Variants in LMX1A observed in about 807,000 individuals in gnomAD.
LMX1A encodes the protein LIM homeobox transcription factor 1-alpha.
LMX1A carries 15 observed loss-of-function variants against 49.1 expected under a neutral mutation model. The ratio of observed to expected loss-of-function variants is 0.31; its 90% CI spans 0.20 to 0.47. The LOEUF (loss-of-function observed/expected upper bound fraction) is 0.47. LMX1A is among the 20% of genes least tolerant of loss of function. The pLI is 1.00. For missense variants in LMX1A, 372 were observed against 475.8 expected, an observed-to-expected ratio of 0.78 and a Z score of 2.03; for synonymous variants, 167 against 185.7, an observed-to-expected ratio of 0.90 and a Z score of 0.82.
chr1:165,274,332 A>G (rs1193072853), intron 3 of LMX1A, among the ~76,000 whole-genome samples: 1 of 152,164 alleles, frequency 6.6e-6, no homozygotes, highest in Non-Finnish European at 1.5e-5. Context: ...ATATTGGTTT[A>G]TATTTGCCAC....
chr1:165,253,211 T>C lies in LMX1A; in HGVS notation c.264-3571A>G, dbSNP rs141953971. 2.0e-3 allele frequency among the ~76,000 whole-genome samples: 312 copies of C among 152,246 alleles called. 1 individual carries two copies. The highest frequency in any genetic ancestry group is 7.1e-3 in the African/African-American group (294 of 41,520). ...CACATAAACGAATAGATAAATCATATCTACATTTAGGGATTTACCTTTAGG... is the reference window on the plus strand; with the variant it reads ...CACATAAACGAATAGATAAATCATACCTACATTTAGGGATTTACCTTTAGG... On this transcript the variant is annotated intron_variant, in intron 3 of 8. Transcript: ENST00000342310.
chr1:165,268,441 C>T (rs1036948252), intron 3 of LMX1A, among the ~76,000 whole-genome samples: 8 of 152,158 alleles, frequency 5.3e-5, no homozygotes, highest in Admixed American at 1.3e-4. Context: ...CTAAGCCCTG[C>T]GCCTCAAACC....
At chr1:165,321,886 A>G (rs1383136222) in intron 3 of LMX1A, among the ~76,000 whole-genome samples, 3 of 152,174 alleles carry the variant, frequency 2.0e-5, no homozygotes, top group African/African-American at 7.2e-5. Flanking sequence ...TCTAGGATAT[A>G]TAAAGAGTGC....
intron 4 of LMX1A, among the ~76,000 whole-genome samples, chr1:165,244,168 G>C (rs897550225): frequency 5.9e-5 from 9 of 152,202 alleles, no homozygotes; most frequent in African/African-American, 2.2e-4. Context: ...TCCTGGAGGG[G>C]TGCATCCAGA....
At chr1:165,334,314 C>T (rs182912416) in intron 3 of LMX1A, among the ~76,000 whole-genome samples, 18 of 152,330 alleles carry the variant, frequency 1.2e-4, no homozygotes, top group Admixed American at 3.9e-4. Context: ...GCAATACAAT[C>T]ACTGCTGTCT....
chr1:165,227,343 G>C (rs1004443794), intron 4 of LMX1A, among the ~76,000 whole-genome samples: 8 of 152,052 alleles, frequency 5.3e-5, no homozygotes, highest in African/African-American at 1.7e-4. Flanking sequence ...TTTAAGACCA[G>C]CCTAGGCAAC....
intron 3 of LMX1A, among the ~76,000 whole-genome samples, chr1:165,250,149 G>A (rs1219782693): frequency 1.3e-5 from 2 of 152,142 alleles, no homozygotes; most frequent in African/African-American, 2.4e-5. Flanking sequence ...CCTAGGTGAT[G>A]GGCTGGTAAG....
At position 165,204,018 on chromosome 1, in the gene LMX1A, G is replaced by C. The variant is rs1043647147; in HGVS notation, c.1011C>G (p.Asp337Glu). 3.1e-6 allele frequency: 5 copies of C among 1,613,996 alleles called. No individual in the cohort carries two copies. In the African/African-American group the frequency reaches 4.0e-5, roughly 13 times the overall value. ...TGAGGGAGGTGTCGTCGCTATCCAG[G>C]TCATGGAAAAGGGGCTCGGCACCTG... ...HPYGAEPLFHDLDSDDTSLSN... is the reference protein window; with the variant it reads ...HPYGAEPLFHELDSDDTSLSN... The change falls in exon 9 of 9, where the codon GAC becomes GAG. Residue 337 changes from aspartate (D) to glutamate (E), a missense_variant. Asp to Glu is a conservative substitution (Grantham distance 45, BLOSUM62 2). This residue lies in a region of LMX1A where 127 missense variants were observed against 138.0 expected (regional missense o/e 0.92). Transcript: ENST00000342310.
intron 3 of LMX1A, among the ~76,000 whole-genome samples, chr1:165,345,358 T>G (rs1277156011): frequency 6.6e-6 from 1 of 152,176 alleles, no homozygotes; most frequent in Non-Finnish European, 1.5e-5. Context: ...AGATGAAGGA[T>G]GCTTCTTTCC....
chr1:165,302,724 C>T (rs1418930038), intron 3 of LMX1A, among the ~76,000 whole-genome samples: 1 of 152,196 alleles, frequency 6.6e-6, no homozygotes, highest in East Asian at 1.9e-4. Flanking sequence ...ATTTTTATTG[C>T]TGTCTAATTG....
At chr1:165,231,883 C>T (rs978333220) in intron 4 of LMX1A, among the ~76,000 whole-genome samples, 1 of 149,782 alleles carries the variant, frequency 6.7e-6, no homozygotes, top group Non-Finnish European at 1.5e-5. Flanking sequence ...TTAATGATTA[C>T]AAATCTGCGA....
At chr1:165,234,024 G>GA (rs55720939) in intron 4 of LMX1A, among the ~76,000 whole-genome samples, 6 of 152,062 alleles carry the variant, frequency 3.9e-5, no homozygotes, top group South Asian at 2.1e-4. Context: ...CTCCTCTTTT[G>GA]AAAAAACAGA....
chr1:165,340,539 A>G (rs1656042470), intron 3 of LMX1A, among the ~76,000 whole-genome samples: 2 of 152,190 alleles, frequency 1.3e-5, no homozygotes. Flanking sequence ...AAGCTCTTTG[A>G]ATTCTGGTGT....
At chr1:165,334,186 G>T (rs971217192) in intron 3 of LMX1A, among the ~76,000 whole-genome samples, 1 of 152,074 alleles carries the variant, frequency 6.6e-6, no homozygotes, top group Non-Finnish European at 1.5e-5. Flanking sequence ...TGAGACTGCC[G>T]ACTGACCCAC....
rs1650956980 is a variant in LMX1A at position 165,203,972 on chromosome 1, G to T, written c.1057C>A (p.Leu353Ile). The T allele has an allele frequency of 9.3e-6, 15 of 1,614,114 alleles. No homozygotes were observed. Among genetic ancestry groups the T allele is most frequent in the Non-Finnish European group, 1.3e-5 (15 of 1,180,010 alleles). The change falls in exon 9 of 9, where the codon CTA (leucine) becomes ATA (isoleucine). Residue 353 changes from leucine (L) to isoleucine (I), a missense_variant. By Grantham distance (5) the Leu-to-Ile change is conservative. This residue lies in a region of LMX1A where 127 missense variants were observed against 138.0 expected (regional missense o/e 0.92). Transcript: ENST00000342310. ...AGAGGCCCAGCTTCTGAGGTTGCTAGGAAACAATCACCCAGGTTACTGAGG... is the reference window on the plus strand; with the variant it reads ...AGAGGCCCAGCTTCTGAGGTTGCTATGAAACAATCACCCAGGTTACTGAGG... Reference protein sequence around the residue: ...TSLSNLGDCFLATSEAGPLQS... With the variant: ...TSLSNLGDCFIATSEAGPLQS...
Position 165,317,696 on chromosome 1 carries a change from C to T in LMX1A, c.263+35380G>A, listed in dbSNP as rs534433010. Among the ~76,000 whole-genome samples, 74 of 152,338 alleles carry T rather than the reference C, an allele frequency of 4.9e-4. No individual in the cohort carries two copies. The South Asian group carries it at 0.012, about 25-fold the overall frequency. ...TTATCTAATTTGATTCCCCTCATTG[C>T]ATTACAGGAGGATTTAAAACACATC... On this transcript the variant is annotated intron_variant, in intron 3 of 8. Coordinates refer to ENST00000342310, the MANE Select transcript of LMX1A (RefSeq NM_177398.4).
intron 3 of LMX1A, among the ~76,000 whole-genome samples, chr1:165,255,801 C>A (rs1404187896): frequency 6.6e-6 from 1 of 152,120 alleles, no homozygotes; most frequent in Non-Finnish European, 1.5e-5. Flanking sequence ...TGGTGAAACC[C>A]TGTCTCTACT....
chr1:165,342,853 A>T (rs1656117598), intron 3 of LMX1A, among the ~76,000 whole-genome samples: 2 of 151,788 alleles, frequency 1.3e-5, no homozygotes, highest in Admixed American at 1.3e-4. Flanking sequence ...CAAGCAGCAG[A>T]TGGTGTGATT....
chr1:165,269,240 C>A (rs1653715681), intron 3 of LMX1A, among the ~76,000 whole-genome samples: 1 of 152,248 alleles, frequency 6.6e-6, no homozygotes, highest in Non-Finnish European at 1.5e-5. Flanking sequence ...GAATATCCTG[C>A]CGAGAATCAG....
Sources: allele counts gnomAD v4.1 joint callset (sites outside exome capture counted in the v4.1 genomes callset), GRCh38; gene constraint gnomAD v4.1.1; regional missense constraint gnomAD v4.1.1; transcripts MANE v1.5; gene names NCBI Gene and HGNC (gene_info 2026-07-23, HGNC 2026-07-21).